The following LPP variants were observed in gnomAD, a reference collection of about 807,000 sequenced individuals.
LPP encodes the protein lipoma-preferred partner.
In LPP, 38 loss-of-function variants were observed where a neutral mutation model predicts 60.4. The ratio of observed to expected loss-of-function variants is 0.63; its 90% CI spans 0.49 to 0.83. The LOEUF is 0.83. Ranked by LOEUF, LPP falls within the 40% of genes least tolerant of loss-of-function variation. LPP has a pLI of 0.00. For synonymous variants in LPP, 328 were observed against 290.8 expected, an observed-to-expected ratio of 1.13 and a Z score of -1.30; for missense variants, 902 against 783.6, an observed-to-expected ratio of 1.15 and a Z score of -1.80.
intron 3 of LPP, among the ~76,000 whole-genome samples, chr3:188,374,419 TTC>T (rs1774310457): frequency 3.9e-5 from 6 of 152,156 alleles, no homozygotes; most frequent in Non-Finnish European, 8.8e-5. Flanking sequence ...GAAGAGGTCC[TTC>T]ACATCCCTTG....
intron 7 of LPP, among the ~76,000 whole-genome samples, chr3:188,692,929 G>A (rs573222852): frequency 6.6e-6 from 1 of 152,196 alleles, no homozygotes; most frequent in African/African-American, 2.4e-5. Context: ...GAATGACCTG[G>A]GTCAGTCACT....
At chr3:188,382,239 CT>C (rs1257118719) in intron 3 of LPP, among the ~76,000 whole-genome samples, 3 of 152,116 alleles carry the variant, frequency 2.0e-5, no homozygotes, top group African/African-American at 7.2e-5. Context: ...TGTAAGTCTA[CT>C]TTTGTCACTC....
intron 3 of LPP, among the ~76,000 whole-genome samples, chr3:188,381,598 G>C (rs1164751831): frequency 1.5e-4 from 23 of 152,186 alleles, no homozygotes; most frequent in Admixed American, 1.2e-3. Flanking sequence ...CCCACTTTCC[G>C]ATTCGGGGGA....
At chr3:188,250,545 C>G (rs1323646457) in intron 2 of LPP, among the ~76,000 whole-genome samples, 1 of 152,142 alleles carries the variant, frequency 6.6e-6, no homozygotes, top group African/African-American at 2.4e-5. Flanking sequence ...AAATATTACC[C>G]TACATTTTTT....
intron 1 of LPP, among the ~76,000 whole-genome samples, chr3:188,223,191 A>G (rs1055757979): frequency 2.0e-5 from 3 of 152,194 alleles, no homozygotes; most frequent in African/African-American, 7.2e-5. Context: ...AAAACCATCA[A>G]TTTCTGGTGA....
rs976810481 is a variant in LPP, at chr3:188,379,144, C to G, written c.-9-26968C>G. ...AAGATACTAATGATTAACAGAGATC[C>G]TGGTATGGAAACATAAGACACAAGT... On this transcript the variant is annotated intron_variant, in intron 3 of 11. Transcript: ENST00000617246. Among the ~76,000 whole-genome samples the G allele has an allele frequency of 7.2e-5, 11 of 151,954 alleles. 3 individuals carry two copies. Among genetic ancestry groups the G allele is most frequent in the East Asian group, 1.9e-4 (1 of 5,150 alleles).
intron 9 of LPP, among the ~76,000 whole-genome samples, chr3:188,820,878 A>G (rs922215626): frequency 6.6e-6 from 1 of 152,178 alleles, no homozygotes; most frequent in Non-Finnish European, 1.5e-5. Flanking sequence ...CGAAACTTGT[A>G]TAGGAAAATG....
intron 8 of LPP, among the ~76,000 whole-genome samples, chr3:188,750,356 T>G (rs1446000496): frequency 6.6e-6 from 1 of 152,132 alleles, no homozygotes; most frequent in Admixed American, 6.5e-5. Context: ...CCAAGCCAGG[T>G]GTGGTGGTTC....
At chr3:188,158,130 G>C (rs1717074147) in intron 1 of LPP, among the ~76,000 whole-genome samples, 1 of 152,148 alleles carries the variant, frequency 6.6e-6, no homozygotes, top group African/African-American at 2.4e-5. Flanking sequence ...GGTAATGCAG[G>C]AGGCATAGTA....
At chr3:188,640,556 A>G (rs1358804751) in intron 7 of LPP, among the ~76,000 whole-genome samples, 1 of 151,354 alleles carries the variant, frequency 6.6e-6, no homozygotes, top group African/African-American at 2.4e-5. Flanking sequence ...GGACGAAAAA[A>G]AAAAAAGAAA....
chr3:188,319,625 G>A (rs138355179), intron 2 of LPP, among the ~76,000 whole-genome samples: 88 of 152,280 alleles, frequency 5.8e-4, no homozygotes, highest in African/African-American at 2.0e-3. Context: ...GGCAGTTTAA[G>A]GGTGTTCATT....
intron 9 of LPP, among the ~76,000 whole-genome samples, chr3:188,852,891 C>T (rs1056892402): frequency 6.6e-6 from 1 of 152,086 alleles, no homozygotes; most frequent in Non-Finnish European, 1.5e-5. Context: ...TCCTGTAACC[C>T]CAGCACTTTG....
In LPP at chr3:188,336,280, C is replaced by T. The variant is rs537930934; in HGVS notation, c.-66-5383C>T. 3.1e-4 allele frequency among the ~76,000 whole-genome samples: 47 copies of T among 152,202 alleles called. No individual in the cohort carries two copies. In the East Asian group the frequency reaches 6.4e-3, roughly 21 times the overall value. On this transcript the variant is annotated intron_variant, in intron 2 of 11. Coordinates refer to ENST00000617246, the MANE Select transcript of LPP (RefSeq NM_001375462.1). ...CCAGGATCTTGCCAACCTATTGTGA[C>T]ACCTGGGTCTTGGGTTACAGGTTCA... is the stretch of plus-strand genomic sequence containing the variant.
intron 6 of LPP, among the ~76,000 whole-genome samples, chr3:188,553,176 A>G (rs1465503960): frequency 3.3e-5 from 5 of 152,150 alleles, no homozygotes; most frequent in Non-Finnish European, 7.4e-5. Flanking sequence ...AACATGGGAA[A>G]ATGAAGACTA....
intron 1 of LPP, among the ~76,000 whole-genome samples, chr3:188,197,198 G>T (rs1488462795): frequency 6.6e-6 from 1 of 152,084 alleles, no homozygotes; most frequent in Non-Finnish European, 1.5e-5. Flanking sequence ...TTTAAGATTG[G>T]CCTTCAATTT....
chr3:188,371,823 T>G (rs1773341634), intron 3 of LPP, among the ~76,000 whole-genome samples: 1 of 149,732 alleles, frequency 6.7e-6, no homozygotes, highest in Non-Finnish European at 1.5e-5. Context: ...CCTGGCTAAT[T>G]ATTTTTGTAT....
chr3:188,823,697 G>A (rs1193664780), intron 9 of LPP, among the ~76,000 whole-genome samples: 2 of 152,156 alleles, frequency 1.3e-5, no homozygotes, highest in African/African-American at 4.8e-5. Flanking sequence ...GAAATATGTA[G>A]AATGACAGTG....
intron 2 of LPP, among the ~76,000 whole-genome samples, chr3:188,240,458 T>C (rs142635712): frequency 3.3e-5 from 5 of 152,054 alleles, no homozygotes; most frequent in South Asian, 2.1e-4. Flanking sequence ...AGCAACTTCA[T>C]AGGCACAGAA....
At chr3:188,762,840 G>T (rs1322584176) in intron 9 of LPP, among the ~76,000 whole-genome samples, 1 of 151,570 alleles carries the variant, frequency 6.6e-6, no homozygotes, top group African/African-American at 2.4e-5. Flanking sequence ...TCTATTCGTG[G>T]TGACTCTAAA....
Sources: allele counts gnomAD v4.1 joint callset (sites outside exome capture counted in the v4.1 genomes callset), GRCh38; gene constraint gnomAD v4.1.1; transcripts MANE v1.5; gene names NCBI Gene and HGNC (gene_info 2026-07-23, HGNC 2026-07-21).